The following PKIG variants were observed in gnomAD, a reference collection of about 807,000 sequenced individuals.
The protein encoded by PKIG is protein kinase (cAMP-dependent, catalytic) inhibitor gamma.
Under a neutral mutation model 6.8 loss-of-function variants are expected in PKIG, and 1 was observed. The observed-to-expected ratio is 0.15, with a 90% CI of 0.05 to 0.69. The LOEUF is 0.69. Ranked by LOEUF, PKIG falls within the 30% of genes least tolerant of loss-of-function variation. The probability of loss-of-function intolerance (pLI) is 0.82; values close to 1 mark genes in which losing one functional copy is unlikely to be tolerated. For missense variants in PKIG, 77 were observed against 104.0 expected (o/e 0.74, Z 1.13); for synonymous variants, 39 against 43.0 (o/e 0.91, Z 0.36).
intron 1 of PKIG, among the ~76,000 whole-genome samples, chr20:44,570,787 C>G (rs984426992): frequency 6.6e-6 from 1 of 152,144 alleles, no homozygotes; most frequent in African/African-American, 2.4e-5. Context: ...GGACGCTTAA[C>G]AGAAAGTGAC....
intron 2 of PKIG, among the ~76,000 whole-genome samples, chr20:44,597,792 C>T (rs963658751): frequency 4.6e-5 from 7 of 152,208 alleles, no homozygotes; most frequent in African/African-American, 7.2e-5. Context: ...CTCCATCCTA[C>T]TGTGAAAGGA....
intron 1 of PKIG, among the ~76,000 whole-genome samples, chr20:44,563,092 C>G (rs750850916): frequency 2.0e-5 from 3 of 152,038 alleles, no homozygotes; most frequent in Non-Finnish European, 4.4e-5. Flanking sequence ...TAAACTCTTC[C>G]CTTAAAGAAG....
At chr20:44,540,700 C>T (rs2064553863) in intron 1 of PKIG, among the ~76,000 whole-genome samples, 1 of 152,042 alleles carries the variant, frequency 6.6e-6, no homozygotes, top group South Asian at 2.1e-4. Context: ...GCCTCGGCCT[C>T]CTGAGTAGCT....
chr20:44,609,329 C>G (rs1269247081), intron 2 of PKIG, among the ~76,000 whole-genome samples: 3 of 152,116 alleles, frequency 2.0e-5, no homozygotes, highest in Non-Finnish European at 4.4e-5. Flanking sequence ...AGATCAAAGC[C>G]CCAGGAGACA....
chr20:44,545,025 T>C (rs1428627478), intron 1 of PKIG, among the ~76,000 whole-genome samples: 1 of 135,170 alleles, frequency 7.4e-6, no homozygotes, highest in East Asian at 2.5e-4. Flanking sequence ...AACCTCCACC[T>C]CCTGGGTTCA....
At chr20:44,569,844 G>A (rs1030087929) in intron 1 of PKIG, among the ~76,000 whole-genome samples, 2 of 152,170 alleles carry the variant, frequency 1.3e-5, no homozygotes, top group African/African-American at 4.8e-5. Context: ...AGATTTAAAT[G>A]TAGGCTGGGC....
At chr20:44,585,861 C>T (rs1183834135) in intron 1 of PKIG, among the ~76,000 whole-genome samples, 2 of 152,256 alleles carry the variant, frequency 1.3e-5, no homozygotes, top group South Asian at 4.1e-4. Flanking sequence ...CCGTTTCTTT[C>T]GATTTAGACA....
chr20:44,584,710 CCCTTGG>C (rs1052547707), intron 1 of PKIG, among the ~76,000 whole-genome samples: 8 of 151,182 alleles, frequency 5.3e-5, no homozygotes, highest in Non-Finnish European at 1.2e-4. Context: ...TTCTCAAAGG[CCCTTGG>C]CACTTCTTTT....
At chr20:44,617,621 T>G (rs2065277910) in intron 3 of PKIG, among the ~76,000 whole-genome samples, 1 of 151,968 alleles carries the variant, frequency 6.6e-6, no homozygotes, top group Non-Finnish European at 1.5e-5. Context: ...CACCAAGATG[T>G]CTGACAGGAT....
intron 2 of PKIG, among the ~76,000 whole-genome samples, chr20:44,590,080 GT>G (rs555610589): frequency 6.7e-5 from 10 of 148,418 alleles, no homozygotes; most frequent in South Asian, 4.3e-4. Context: ...GTTTTCAGGC[GT>G]TTTTTTTTTA....
At chr20:44,564,575 A>G (rs989182970) in intron 1 of PKIG, among the ~76,000 whole-genome samples, 6 of 151,424 alleles carry the variant, frequency 4.0e-5, no homozygotes, top group African/African-American at 9.8e-5. Flanking sequence ...AGCCGTTGTT[A>G]TTATTATTTT....
At chr20:44,558,943 G>A (rs2123232515) in intron 1 of PKIG, among the ~76,000 whole-genome samples, 1 of 152,002 alleles carries the variant, frequency 6.6e-6, no homozygotes, top group South Asian at 2.1e-4. Flanking sequence ...CTGAAGTTAT[G>A]CCTAAACCCT....
chr20:44,571,572 T>C (rs1487420555), intron 1 of PKIG, among the ~76,000 whole-genome samples: 1 of 152,228 alleles, frequency 6.6e-6, no homozygotes, highest in Non-Finnish European at 1.5e-5. Context: ...GACTGGAAGC[T>C]GCCAACATGC....
rs3221821 is a variant in PKIG, at chr20:44,576,158, AGTGTGT to A, written c.-240-6390_-240-6385del. Among the ~76,000 whole-genome samples the A allele has an allele frequency of 6.2e-3, 866 of 140,532 alleles. 2 individuals carry two copies. Among genetic ancestry groups the A allele is most frequent in the Middle Eastern group, 0.018 (5 of 280 alleles). 92.2% of individuals were successfully genotyped at this position (140,532 alleles called of 152,430 possible). On this transcript the variant is annotated intron_variant, in intron 1 of 4. Coordinates refer to the PKIG transcript ENST00000372887. ...TTTTACCATAGACTGGACTAAGTAG[AGTGTGT>A]GTGTGTGTGTGTGTGTGTGTGTGTG...
intron 1 of PKIG, among the ~76,000 whole-genome samples, chr20:44,532,531 A>G (rs1307847612): frequency 6.6e-6 from 1 of 152,204 alleles, no homozygotes; most frequent in Non-Finnish European, 1.5e-5. Flanking sequence ...AGCCAGGGTA[A>G]AAAAGTGAAC....
intron 2 of PKIG, among the ~76,000 whole-genome samples, chr20:44,608,765 A>AC (rs1464084657): frequency 6.6e-6 from 1 of 150,530 alleles, no homozygotes; most frequent in Admixed American, 6.7e-5. Context: ...GTACCACTGC[A>AC]CTCCAGCCTG....
chr20:44,544,897 T>TTTTC (rs1326652767), intron 1 of PKIG, among the ~76,000 whole-genome samples: 6 of 151,294 alleles, frequency 4.0e-5, no homozygotes, highest in African/African-American at 1.2e-4. Flanking sequence ...TTTTCTTTTC[T>TTTTC]TTTCTTTCTT....
chr20:44,618,514 C>A lies in PKIG; in HGVS notation c.*150C>A. ...GAAGGCTCCCCAGAGGCCTCTGTGGCCTCCACTCCGGGAAAGCCCTCTGCC... is the reference window on the plus strand; with the variant it reads ...GAAGGCTCCCCAGAGGCCTCTGTGGACTCCACTCCGGGAAAGCCCTCTGCC... On this transcript the variant is annotated 3_prime_UTR_variant, in exon 4 of 4. Transcript: ENST00000372886. 1 of 622,282 alleles carries A rather than the reference C, an allele frequency of 1.6e-6. No individual in the cohort carries two copies. The highest frequency in any genetic ancestry group is 2.9e-6 in the Non-Finnish European group (1 of 347,484). The allele number at this position is 622,282 out of a possible 1,614,324, so 38.5% of individuals were successfully genotyped here.
chr20:44,610,690 G>C (rs2065210523), intron 2 of PKIG, among the ~76,000 whole-genome samples: 1 of 152,094 alleles, frequency 6.6e-6, no homozygotes, highest in Non-Finnish European at 1.5e-5. Flanking sequence ...TAATCACAAA[G>C]AACCACAGTT....
Sources: allele counts gnomAD v4.1 joint callset (sites outside exome capture counted in the v4.1 genomes callset), GRCh38; gene constraint gnomAD v4.1.1; transcripts MANE v1.5; gene names NCBI Gene and HGNC (gene_info 2026-07-23, HGNC 2026-07-21).